The following TASOR variants were observed in gnomAD, a reference collection of about 807,000 sequenced individuals.
TASOR encodes the protein protein TASOR.
In TASOR, 53 loss-of-function variants were observed where a neutral mutation model predicts 178.6. The ratio of observed to expected loss-of-function variants is 0.30; its 90% confidence interval spans 0.24 to 0.37. The LOEUF is 0.37. Among genes scored for constraint, TASOR ranks in the 10% least tolerant of loss-of-function variants. TASOR has a pLI of 1.00. For synonymous variants in TASOR, 713 were observed against 696.2 expected, an observed-to-expected ratio of 1.02 and a Z score of -0.38; for missense variants, 1,815 against 1,971.4, an observed-to-expected ratio of 0.92 and a Z score of 1.50.
chr3:56,669,661 TGTA>T (rs1559850561), intron 5 of TASOR, 36 bp downstream of exon 5: 2 of 1,243,464 alleles, frequency 1.6e-6, no homozygotes, highest in African/African-American at 1.5e-5. Flanking sequence ...CCAAATCAAG[TGTA>T]GTTTTTCATA....
chr3:56,659,880 T>A (rs971045914), intron 11 of TASOR, among the ~76,000 whole-genome samples: 23 of 152,010 alleles, frequency 1.5e-4, no homozygotes, highest in African/African-American at 5.6e-4. Flanking sequence ...TTTTCTTTTT[T>A]CTTTTTTTTT....
At chr3:56,653,269 A>T (rs1327707073) in intron 11 of TASOR, among the ~76,000 whole-genome samples, 4 of 117,158 alleles carry the variant, frequency 3.4e-5, no homozygotes, top group African/African-American at 4.6e-5. Context: ...TCTCAAAAAA[A>T]AAAAAAAAAA....
intron 11 of TASOR, among the ~76,000 whole-genome samples, chr3:56,660,318 C>T (rs973919223): frequency 2.0e-5 from 3 of 151,612 alleles, no homozygotes; most frequent in Admixed American, 6.6e-5. Flanking sequence ...GGTGAAACCC[C>T]GTCTCTACTA....
At position 56,646,724 on chromosome 3, in the gene TASOR, A is replaced by G. The variant is rs1382829538; in HGVS notation, c.2013T>C (p.Ser671=). The change falls in exon 14 of 24, where the codon TCT becomes TCC. Residue 671 remains serine, a synonymous_variant. Transcript: ENST00000683822. ...TATCCTTATCATAATCCAAAGAATG[A>G]GATGATCTTTGCTTTCCAGATATAA... ...EAIISGKQRS[S]HSLDYDKDRV... 6.2e-7 allele frequency: 1 copy of G among 1,613,890 alleles called. No homozygotes were observed.
chr3:56,628,430 G>A (rs1308161063), intron 19 of TASOR, 62 bp downstream of exon 19: 22 of 1,431,608 alleles, frequency 1.5e-5, no homozygotes, highest in Non-Finnish European at 1.9e-5. Flanking sequence ...CTGGCAGACA[G>A]TAAGATTTTA....
At position 56,679,305 on chromosome 3, in the gene TASOR, G is replaced by T. The variant is rs561149974; in HGVS notation, c.331+3371C>A. On this transcript the variant is annotated intron_variant, in intron 1 of 23. Coordinates refer to ENST00000683822, the MANE Select transcript of TASOR (RefSeq NM_001365635.2). ...ACTTCATCTCTACATCAACAAGGTTGAACATAGTGTACAATTAGAAATGAA... is the reference window on the plus strand; with the variant it reads ...ACTTCATCTCTACATCAACAAGGTTTAACATAGTGTACAATTAGAAATGAA... Among the ~76,000 whole-genome samples, 19 of 152,160 alleles carry T rather than the reference G, an allele frequency of 1.2e-4. 1 individual carries two copies. The highest frequency in any genetic ancestry group is 1.1e-3 in the Admixed American group (17 of 15,266).
At chr3:56,652,154 T>C (rs2077365352) in intron 11 of TASOR, among the ~76,000 whole-genome samples, 1 of 152,162 alleles carries the variant, frequency 6.6e-6, no homozygotes, top group Admixed American at 6.5e-5. Flanking sequence ...AGTAGATTAA[T>C]GGCTGTTAGG....
intron 18 of TASOR, among the ~76,000 whole-genome samples, chr3:56,630,952 T>TG: frequency 6.6e-6 from 1 of 151,794 alleles, no homozygotes; most frequent in Middle Eastern, 3.4e-3. Flanking sequence ...TGGAGGAAGT[T>TG]GGAGTTATGC....
intron 9 of TASOR, among the ~76,000 whole-genome samples, chr3:56,662,148 A>G (rs1209055781): frequency 6.6e-6 from 1 of 151,410 alleles, no homozygotes; most frequent in Non-Finnish European, 1.5e-5. Flanking sequence ...AAAAAAAAAG[A>G]TAAAGTTTTA....
chr3:56,658,596 A>G (rs965672875), intron 11 of TASOR, among the ~76,000 whole-genome samples: 3 of 152,194 alleles, frequency 2.0e-5, no homozygotes, highest in African/African-American at 7.2e-5. Context: ...ATACAAACAT[A>G]AAATTATGTT....
chr3:56,671,389 AG>A, intron 3 of TASOR: 1 of 466,640 alleles, frequency 2.1e-6, no homozygotes, highest in Middle Eastern at 5.8e-4. Context: ...AGCACATTCT[AG>A]GGGAAGAAAA....
At position 56,645,103 on chromosome 3, in the gene TASOR, G is replaced by A. The variant is rs904558833; in HGVS notation, c.2215+1419C>T. ...AGCCTGGCCAACATGGCAAAACCCC[G>A]TCTCCACTAAAGATACAAAAATTAG... On this transcript the variant is annotated intron_variant, in intron 14 of 23. Transcript: ENST00000683822. 3.9e-5 allele frequency among the ~76,000 whole-genome samples: 6 copies of A among 152,010 alleles called. No individual in the cohort carries two copies. In the South Asian group the frequency reaches 8.3e-4, roughly 21 times the overall value.
chr3:56,666,199 T>C (rs754049037), intron 7 of TASOR, 61 bp downstream of exon 7: 208 of 1,343,242 alleles, frequency 1.5e-4, no homozygotes, highest in Admixed American at 2.5e-4. Context: ...CCTAACTCAG[T>C]AGTACAGGAT....
Position 56,622,227 on chromosome 3 carries a change from A to C in TASOR, c.*810T>G, listed in dbSNP as rs1366698026. On this transcript the variant is annotated 3_prime_UTR_variant, in exon 24 of 24. Transcript: ENST00000683822. ...AGTTAGGAATAGATACGGGTTTGAA[A>C]GCTATCTCCACTGTATCTGTCTAGT... is the stretch of plus-strand genomic sequence containing the variant. The C allele has an allele frequency of 1.3e-5, 2 of 152,214 alleles. No homozygotes were observed. The highest frequency in any genetic ancestry group is 2.9e-5 in the Non-Finnish European group (2 of 68,032). 9.4% of individuals were successfully genotyped at this position (152,214 alleles called of 1,614,324 possible). A position where few individuals can be genotyped will look rare whatever the true frequency, so the allele number is the denominator to read the frequency against.
intron 9 of TASOR, among the ~76,000 whole-genome samples, chr3:56,661,800 AAAAAAT>A (rs1170946194): frequency 6.6e-6 from 1 of 152,214 alleles, no homozygotes; most frequent in Non-Finnish European, 1.5e-5. Flanking sequence ...GAATAAAACT[AAAAAAT>A]TATATTTCAG....
intron 18 of TASOR, among the ~76,000 whole-genome samples, chr3:56,630,925 G>T (rs1161218233): frequency 1.4e-5 from 2 of 137,964 alleles, no homozygotes; most frequent in Admixed American, 1.5e-4. Flanking sequence ...GGGGGTGGGG[G>T]GTGGGGGGTG....
intron 1 of TASOR, among the ~76,000 whole-genome samples, chr3:56,681,791 TTC>T (rs1269136996): frequency 1.3e-5 from 2 of 152,204 alleles, no homozygotes; most frequent in African/African-American, 4.8e-5. Flanking sequence ...CCATTAGGAA[TTC>T]TGACTCCATA....
At chr3:56,641,292 C>A in intron 15 of TASOR, 57 bp downstream of exon 15, 2 of 1,474,148 alleles carry the variant, frequency 1.4e-6, no homozygotes, top group Non-Finnish European at 9.1e-7. Context: ...ATACTCACAG[C>A]ACCTCTTTCA....
chr3:56,633,171 T>G lies in TASOR; in HGVS notation c.3620A>C (p.Asn1207Thr). 1 of 1,614,204 alleles carries G rather than the reference T, an allele frequency of 6.2e-7. No individual in the cohort carries two copies. Among genetic ancestry groups the G allele is most frequent in the Non-Finnish European group, 8.5e-7 (1 of 1,180,044 alleles). Residue 1207 changes from asparagine (N) to threonine (T), a missense_variant, in exon 18 of 24, where the codon AAT becomes ACT. Physicochemically the swap from Asn to Thr is moderately conservative, Grantham distance 65. Around this residue, in one of 5 missense-constraint regions of TASOR, gnomAD observed 655 missense variants for 671.1 expected, o/e 0.98. Transcript: ENST00000683822. ...VNISAQPALS[N>T]FISQLEPEVF... ...TTCAGGTTCTAACTGGCTTATAAAA[T>G]TTGAAAGAGCTGGTTGAGCAGAAAT... is the stretch of plus-strand genomic sequence containing the variant.
Sources: allele counts gnomAD v4.1 joint callset (sites outside exome capture counted in the v4.1 genomes callset), GRCh38; gene constraint gnomAD v4.1.1; regional missense constraint gnomAD v4.1.1; transcripts MANE v1.5; gene names NCBI Gene and HGNC (gene_info 2026-07-23, HGNC 2026-07-21).